Variants in MARCHF1 observed in about 807,000 individuals in gnomAD.
The protein encoded by MARCHF1 is membrane associated ring-CH-type finger 1, also known as E3 ubiquitin-protein ligase MARCHF1.
Under a neutral mutation model 54.2 loss-of-function variants are expected in MARCHF1, and 40 were observed. That is an observed-to-expected ratio of 0.74 (90% CI 0.57 to 0.96). The LOEUF (loss-of-function observed/expected upper bound fraction) is 0.96. MARCHF1 is among the 40% of genes least tolerant of loss of function. MARCHF1 has a pLI of 0.00. For synonymous variants in MARCHF1, 236 were observed against 236.3 expected (o/e 1.00, Z 0.01); for missense variants, 586 against 656.5 (o/e 0.89, Z 1.17).
At chr4:163,567,693 A>T (rs1468733057) in intron 8 of MARCHF1, among the ~76,000 whole-genome samples, 1 of 152,130 alleles carries the variant, frequency 6.6e-6, no homozygotes, top group Non-Finnish European at 1.5e-5. Flanking sequence ...CACCTTACAC[A>T]ATGATTATGA....
intron 4 of MARCHF1, among the ~76,000 whole-genome samples, chr4:163,817,302 C>CATACATATATATGTACATATACACAT (rs536773060): frequency 0.013 from 1,954 of 150,998 alleles, 54 homozygotes; most frequent in African/African-American, 0.041. Context: ...CATATACATA[C>CATACATATATATGTACATATACACAT]ATACATATAT....
chr4:163,969,071 G>T (rs538589868), intron 3 of MARCHF1, among the ~76,000 whole-genome samples: 57 of 152,248 alleles, frequency 3.7e-4, no homozygotes, highest in Middle Eastern at 6.8e-3. Flanking sequence ...TACACAGTAA[G>T]GTGAGTTTGG....
At chr4:163,628,914 T>C (rs1741969010) in intron 5 of MARCHF1, among the ~76,000 whole-genome samples, 1 of 152,128 alleles carries the variant, frequency 6.6e-6, no homozygotes, top group Non-Finnish European at 1.5e-5. Flanking sequence ...CACAAACAAA[T>C]GGAAAAACAT....
chr4:164,303,440 T>C (rs1360121098), intron 1 of MARCHF1, among the ~76,000 whole-genome samples: 1 of 152,206 alleles, frequency 6.6e-6, no homozygotes, highest in Non-Finnish European at 1.5e-5. Flanking sequence ...CTTGGACAAG[T>C]GATTTAACTT....
chr4:163,745,970 C>A (rs1238090192), intron 4 of MARCHF1, among the ~76,000 whole-genome samples: 3 of 152,190 alleles, frequency 2.0e-5, no homozygotes, highest in African/African-American at 7.2e-5. Flanking sequence ...CAACACCCCC[C>A]ACCAGAGTGG....
chr4:163,857,355 C>T (rs1749797560), intron 3 of MARCHF1, among the ~76,000 whole-genome samples: 1 of 152,072 alleles, frequency 6.6e-6, no homozygotes, highest in African/African-American at 2.4e-5. Flanking sequence ...CAGCCTTCTT[C>T]CTACACAGGT....
intron 2 of MARCHF1, among the ~76,000 whole-genome samples, chr4:164,002,579 C>T (rs945541995): frequency 3.3e-5 from 5 of 150,610 alleles, no homozygotes; most frequent in African/African-American, 7.3e-5. Flanking sequence ...AAAATCAAGA[C>T]GTTAAACACA....
chr4:163,805,232 G>A (rs540208239), intron 4 of MARCHF1, among the ~76,000 whole-genome samples: 56 of 151,934 alleles, frequency 3.7e-4, no homozygotes, highest in Admixed American at 1.2e-3. Flanking sequence ...TCATTTAAAC[G>A]TTGTATTATT....
At chr4:163,557,394 C>T (rs987525756) in intron 8 of MARCHF1, among the ~76,000 whole-genome samples, 60 of 152,252 alleles carry the variant, frequency 3.9e-4, no homozygotes, top group African/African-American at 1.4e-3. Context: ...TTGGTTTGAA[C>T]CAAAGAAAGC....
chr4:163,841,393 T>C lies in MARCHF1; in HGVS notation c.111+12628A>G, dbSNP rs896888427. 2.6e-5 allele frequency among the ~76,000 whole-genome samples: 4 copies of C among 152,044 alleles called. No individual in the cohort carries two copies. The East Asian group carries it at 5.8e-4, about 22-fold the overall frequency. On this transcript the variant is annotated intron_variant, in intron 4 of 9. Transcript: ENST00000514618. ...GGCTGGGGTATATGAAAAATCTCTA[T>C]ACCTTTTGCTCAGTATTGCTAAGAA...
chr4:163,793,464 G>C (rs986734789), intron 4 of MARCHF1, among the ~76,000 whole-genome samples: 1 of 152,108 alleles, frequency 6.6e-6, no homozygotes, highest in Non-Finnish European at 1.5e-5. Flanking sequence ...CACTAATCAG[G>C]ATATTTCCTG....
intron 4 of MARCHF1, among the ~76,000 whole-genome samples, chr4:163,785,278 T>A (rs1747584443): frequency 6.6e-6 from 1 of 152,106 alleles, no homozygotes; most frequent in Non-Finnish European, 1.5e-5. Flanking sequence ...GTCCTCCAAT[T>A]ATATTAATTT....
At chr4:163,887,629 G>C (rs1243782588) in intron 3 of MARCHF1, among the ~76,000 whole-genome samples, 1 of 152,120 alleles carries the variant, frequency 6.6e-6, no homozygotes, top group Non-Finnish European at 1.5e-5. Context: ...ATGTACTTAC[G>C]AAGAGAGTGC....
chr4:163,579,689 A>G lies in MARCHF1; in HGVS notation c.1191+6060T>C, dbSNP rs117852087. 1.2e-4 allele frequency among the ~76,000 whole-genome samples: 18 copies of G among 152,290 alleles called. No homozygotes were observed. In the East Asian group the frequency reaches 3.5e-3, roughly 29 times the overall value. On this transcript the variant is annotated intron_variant, in intron 8 of 9. Transcript: ENST00000514618. The stretch of plus-strand genomic sequence containing the variant: ...TAATAATAGAACGGAATGAATATGC[A>G]TTGTGAATTGTGAGTATGAATTTTT...
intron 4 of MARCHF1, among the ~76,000 whole-genome samples, chr4:163,737,350 A>G (rs1224348687): frequency 1.6e-5 from 1 of 61,664 alleles, no homozygotes; most frequent in African/African-American, 4.5e-5. Flanking sequence ...ATATCTCCCA[A>G]TGCTATCCCT....
intron 3 of MARCHF1, among the ~76,000 whole-genome samples, chr4:163,912,144 A>G (rs1579386706): frequency 6.6e-6 from 1 of 151,304 alleles, no homozygotes; most frequent in African/African-American, 2.4e-5. Flanking sequence ...CGAGAGAGAG[A>G]GATGAGGGCT....
At chr4:164,285,013 CA>C in intron 1 of MARCHF1, among the ~76,000 whole-genome samples, 1 of 151,994 alleles carries the variant, frequency 6.6e-6, no homozygotes, top group South Asian at 2.1e-4. Context: ...GCCTTTTCAG[CA>C]AGTGTTTATT....
chr4:164,099,450 C>T (rs987391691), intron 2 of MARCHF1, among the ~76,000 whole-genome samples: 1 of 151,992 alleles, frequency 6.6e-6, no homozygotes, highest in African/African-American at 2.4e-5. Context: ...TTATAAAGAC[C>T]TCATTGAAAT....
intron 2 of MARCHF1, among the ~76,000 whole-genome samples, chr4:164,063,471 A>G (rs1170165039): frequency 6.6e-6 from 1 of 152,214 alleles, no homozygotes; most frequent in Non-Finnish European, 1.5e-5. Context: ...CTTAAATACC[A>G]TGGCTCAACC....
Sources: gnomAD v4.1 joint callset for allele counts (sites outside exome capture counted in the v4.1 genomes callset) on GRCh38, gnomAD v4.1.1 for gene constraint, MANE v1.5 for transcripts, NCBI Gene and HGNC (gene_info 2026-07-23, HGNC 2026-07-21) for gene names.